The following SKIL variants were observed in gnomAD, a reference collection of about 807,000 sequenced individuals.
SKIL encodes SKI like proto-oncogene, also known as ski-like protein.
In SKIL, 20 loss-of-function variants were observed where a neutral mutation model predicts 69.6. The observed-to-expected ratio is 0.29, with a 90% CI of 0.20 to 0.42. The LOEUF is 0.42. Ranked by LOEUF, SKIL falls within the 10% of genes least tolerant of loss-of-function variation. The pLI is 1.00. For missense variants in SKIL, 745 were observed against 783.1 expected, an observed-to-expected ratio of 0.95 and a Z score of 0.58; for synonymous variants, 310 against 279.9, an observed-to-expected ratio of 1.11 and a Z score of -1.08.
chr3:170,391,286 T>A, intron 6 of SKIL, 26 bp downstream of exon 6: 1 of 1,269,866 alleles, frequency 7.9e-7, no homozygotes, highest in Non-Finnish European at 1.1e-6. Flanking sequence ...TGTATAATGG[T>A]GCCCTTTCAG....
chr3:170,384,427 G>A lies in SKIL; in HGVS notation c.1197-106G>A, dbSNP rs199566988. ...TCTGAGTTGTAATATTGTCTGTTTT[G>A]GTTAGAAAAAAAAAAGTTTAACCAC... On this transcript the variant is annotated intron_variant, in intron 3 of 6. Transcript: ENST00000259119. 12 of 572,716 alleles carry A rather than the reference G, an allele frequency of 2.1e-5. No individual in the cohort carries two copies. The South Asian group carries it at 3.2e-4, about 15-fold the overall frequency. The allele number at this position is 572,716 out of a possible 1,614,324, so 35.5% of individuals were successfully genotyped here.
chr3:170,367,780 T>A (rs11709437), intron 2 of SKIL, among the ~76,000 whole-genome samples: 1 of 151,976 alleles, frequency 6.6e-6, no homozygotes, highest in Non-Finnish European at 1.5e-5. Context: ...AAATTTAAAC[T>A]TTTAACATTT....
chr3:170,378,553 C>CTTTTTTTTT lies in SKIL; in HGVS notation c.1099-2684_1099-2676dup, dbSNP rs373084445. ...TGGGAATTGGACTCTCTCTCTCTCT[C>CTTTTTTTTT]TTTTTTTTTTTTTTTGGAGACAAAG... On this transcript the variant is annotated intron_variant, in intron 2 of 6. Transcript: ENST00000259119. Among the ~76,000 whole-genome samples the CTTTTTTTTT allele has an allele frequency of 3.6e-3, 422 of 118,864 alleles. 25 individuals carry two copies. The highest frequency in any genetic ancestry group is 3.9e-3 in the Non-Finnish European group (235 of 59,784). 78.0% of individuals were successfully genotyped at this position (118,864 alleles called of 152,430 possible). A position where few individuals can be genotyped will look rare whatever the true frequency, so the allele number is the denominator to read the frequency against.
At chr3:170,358,434 C>G (rs985450550) in intron 1 of SKIL, 3 of 152,452 alleles carry the variant, frequency 2.0e-5, no homozygotes, top group Non-Finnish European at 4.4e-5. Context: ...CCAGGCTTCC[C>G]GTGTCCCTTG....
In SKIL at chr3:170,394,049, T is replaced by A. The variant is rs548324916; in HGVS notation, c.*1632T>A. On this transcript the variant is annotated 3_prime_UTR_variant, in exon 7 of 7. Coordinates refer to ENST00000259119, the MANE Select transcript of SKIL (RefSeq NM_005414.5). ...TTAAATTTTGCTATATTAAGACTAATTTAATTCGTTGAGTCTTGGAATCTT... is the reference window on the plus strand; with the variant it reads ...TTAAATTTTGCTATATTAAGACTAAATTAATTCGTTGAGTCTTGGAATCTT... 6 of 151,984 alleles carry A rather than the reference T, an allele frequency of 3.9e-5. No individual in the cohort carries two copies. Among genetic ancestry groups the A allele is most frequent in the African/African-American group, 1.4e-4 (6 of 41,474 alleles). The allele number at this position is 151,984 out of a possible 1,614,324, so 9.4% of individuals were successfully genotyped here. A position where few individuals can be genotyped will look rare whatever the true frequency, so the allele number is the denominator to read the frequency against.
chr3:170,362,923 C>G (rs1432302489), intron 2 of SKIL, among the ~76,000 whole-genome samples: 1 of 149,446 alleles, frequency 6.7e-6, no homozygotes, highest in Non-Finnish European at 1.5e-5. Context: ...TTTTGAATGC[C>G]GAGGTAATGG....
chr3:170,362,498 C>A lies in SKIL; in HGVS notation c.1098+1069C>A, dbSNP rs557157648. Among the ~76,000 whole-genome samples the A allele has an allele frequency of 4.0e-4, 59 of 147,824 alleles. 1 individual carries two copies. In the South Asian group the frequency reaches 8.7e-3, roughly 22 times the overall value. On this transcript the variant is annotated intron_variant, in intron 2 of 6. Transcript: ENST00000259119. ...GCGTAGGCGTCGAGGGAAACTCCAT[C>A]AAAAAACAAAACAAAACAAACAAAC...
chr3:170,367,121 T>A (rs376188896), intron 2 of SKIL, among the ~76,000 whole-genome samples: 2 of 152,206 alleles, frequency 1.3e-5, no homozygotes, highest in East Asian at 3.8e-4. Flanking sequence ...TTGTTTGTTT[T>A]TTTTGAGACG....
intron 4 of SKIL, among the ~76,000 whole-genome samples, chr3:170,387,808 C>T (rs1385115532): frequency 7.1e-6 from 1 of 140,196 alleles, no homozygotes; most frequent in East Asian, 2.1e-4. Context: ...GTGGCGGGCG[C>T]CTGTAGTCCC....
rs1737539613 is a variant in SKIL, at chr3:170,384,848, G to C, written c.1429+83G>C. On this transcript the variant is annotated intron_variant, in intron 4 of 6. Transcript: ENST00000259119. ...GCATTTTCAAACAGGCTTTTTGTTT[G>C]AGCTAAATTTTCAGATAATTGGAGC... The C allele has an allele frequency of 5.6e-5, 41 of 728,744 alleles. 2 individuals are homozygous for C. In the South Asian group the frequency reaches 6.5e-4, roughly 12 times the overall value. 45.1% of individuals were successfully genotyped at this position (728,744 alleles called of 1,614,324 possible).
At chr3:170,361,464 T>G (rs778264168) in intron 2 of SKIL, 35 bp downstream of exon 2, 508 of 1,450,204 alleles carry the variant, frequency 3.5e-4, no homozygotes, top group Non-Finnish European at 4.3e-4. Context: ...ATAATGGTAA[T>G]GGTTTACTTT....
intron 2 of SKIL, among the ~76,000 whole-genome samples, chr3:170,377,575 G>T (rs1284490347): frequency 1.8e-5 from 2 of 109,862 alleles, no homozygotes; most frequent in East Asian, 5.6e-4. Flanking sequence ...TTGAGACAGA[G>T]TCTCACTCTG....
chr3:170,361,935 T>C (rs1165637315), intron 2 of SKIL, among the ~76,000 whole-genome samples: 1 of 152,140 alleles, frequency 6.6e-6, no homozygotes, highest in African/African-American at 2.4e-5. Context: ...TCTTGACCAC[T>C]ACATCTGTTG....
rs187276682 is a variant in SKIL, at chr3:170,379,863, C to T, written c.1099-1381C>T. Among the ~76,000 whole-genome samples, 183 of 152,068 alleles carry T rather than the reference C, an allele frequency of 1.2e-3. 1 individual carries two copies. The highest frequency in any genetic ancestry group is 2.4e-3 in the Admixed American group (37 of 15,274). On this transcript the variant is annotated intron_variant, in intron 2 of 6. Coordinates refer to ENST00000259119, the MANE Select transcript of SKIL (RefSeq NM_005414.5). ...TTTGCCACGTTGGCCATGCTGGTCTCGAACTCCTGACCTCAGGTGATCCAC... is the reference window on the plus strand; with the variant it reads ...TTTGCCACGTTGGCCATGCTGGTCTTGAACTCCTGACCTCAGGTGATCCAC...
chr3:170,391,813 G>A (rs1338176980), intron 6 of SKIL, among the ~76,000 whole-genome samples: 1 of 136,392 alleles, frequency 7.3e-6, no homozygotes, highest in Non-Finnish European at 1.7e-5. Context: ...CTAATCTCTA[G>A]CCCTCTGAAT....
Position 170,370,450 on chromosome 3 carries a change from C to T in SKIL, c.1098+9021C>T, listed in dbSNP as rs896972823. 1.1e-4 allele frequency among the ~76,000 whole-genome samples: 5 copies of T among 44,820 alleles called. 1 individual carries two copies. The South Asian group carries it at 5.7e-3, about 51-fold the overall frequency. The allele number at this position is 44,820 out of a possible 152,430, so 29.4% of individuals were successfully genotyped here. A position where few individuals can be genotyped will look rare whatever the true frequency, so the allele number is the denominator to read the frequency against. On this transcript the variant is annotated intron_variant, in intron 2 of 6. Transcript: ENST00000259119. ...GAGAGAGAGAGAGAGCCCCCCCCCC[C>T]CCCCCGAGCAGGAGTTCATCTTATA...
Position 170,360,386 on chromosome 3 carries a change from A to T in SKIL, c.55A>T (p.Asn19Tyr). Reference sequence around the variant, plus strand: ...GGTTCAGGGCTCAACTAAAAAACTGAATGGGATGGGAGATGATGGCAGCCC... The same window carrying T: ...GGTTCAGGGCTCAACTAAAAAACTGTATGGGATGGGAGATGATGGCAGCCC... ...SLVQGSTKKL[N>Y]GMGDDGSPPA... Residue 19 changes from asparagine (N) to tyrosine (Y), a missense_variant, in exon 2 of 7, where the codon AAT (asparagine) becomes TAT (tyrosine). Asn to Tyr is a moderately radical substitution (Grantham distance 143). Coordinates refer to ENST00000259119, the MANE Select transcript of SKIL (RefSeq NM_005414.5). 6.2e-7 allele frequency: 1 copy of T among 1,603,620 alleles called. No homozygotes were observed. The highest frequency in any genetic ancestry group is 8.5e-7 in the Non-Finnish European group (1 of 1,175,214).
intron 2 of SKIL, among the ~76,000 whole-genome samples, chr3:170,365,496 T>C (rs962477125): frequency 2.2e-4 from 34 of 152,134 alleles, no homozygotes; most frequent in African/African-American, 7.7e-4. Context: ...CGTGCACATA[T>C]TCCAGAATCT....
intron 2 of SKIL, among the ~76,000 whole-genome samples, chr3:170,364,308 C>T (rs1292754712): frequency 3.2e-5 from 4 of 123,290 alleles, no homozygotes; most frequent in Admixed American, 1.1e-4. Context: ...TTGTTGCTCC[C>T]GTCTTTTTTT....
Sources: gnomAD v4.1 joint callset for allele counts (sites outside exome capture counted in the v4.1 genomes callset) on GRCh38, gnomAD v4.1.1 for gene constraint, MANE v1.5 for transcripts, NCBI Gene and HGNC (gene_info 2026-07-23, HGNC 2026-07-21) for gene names.